Variants in CD163L1 observed in about 807,000 individuals in gnomAD.
CD163L1 encodes the protein CD163 molecule like 1, also known as scavenger receptor cysteine-rich type 1 protein M160.
A neutral mutation model predicts 165.4 loss-of-function variants in CD163L1; 124 were observed. That is an observed-to-expected ratio of 0.75 (90% CI 0.65 to 0.87). The LOEUF (loss-of-function observed/expected upper bound fraction) is 0.87. Among genes scored for constraint, CD163L1 ranks in the 40% least tolerant of loss-of-function variants. The pLI is 0.00. For missense variants in CD163L1, 1,525 were observed against 1,799.9 expected (o/e 0.85, Z 2.76); for synonymous variants, 585 against 662.2 (o/e 0.88, Z 1.79).
downstream of CD163L1, among the ~76,000 whole-genome samples, chr12:7,346,183 G>A (rs1428036534): frequency 6.6e-6 from 1 of 151,434 alleles, no homozygotes; most frequent in East Asian, 1.9e-4. Flanking sequence ...GTTTCCTTGG[G>A]GTGTGTATTA....
chr12:7,387,039 A>T (rs1388184607), intron 8 of CD163L1, among the ~76,000 whole-genome samples: 1 of 152,198 alleles, frequency 6.6e-6, no homozygotes, highest in Non-Finnish European at 1.5e-5. Flanking sequence ...CAAATTGTCC[A>T]TCTTTGCAGA....
chr12:7,398,244 T>C lies in CD163L1; in HGVS notation c.1729+20A>G. 6.3e-7 allele frequency: 1 copy of C among 1,594,312 alleles called. No homozygotes were observed. Among genetic ancestry groups the C allele is most frequent in the Non-Finnish European group, 8.6e-7 (1 of 1,168,534 alleles). Reference sequence around the variant, plus strand: ...TACTATTTCTCTTATCAGGAAATAATAAACAAGAACAAGTCTTACCTGAGC... The same window carrying C: ...TACTATTTCTCTTATCAGGAAATAACAAACAAGAACAAGTCTTACCTGAGC... On this transcript the variant is annotated intron_variant, in intron 7 of 19. Coordinates refer to ENST00000313599, the MANE Select transcript of CD163L1 (RefSeq NM_174941.6). The surrounding 1 kb of genome is among the most constrained non-coding windows in gnomAD (Gnocchi z 4.5).
intron 7 of CD163L1, among the ~76,000 whole-genome samples, chr12:7,397,985 A>G (rs1947814540): frequency 6.6e-6 from 1 of 152,192 alleles, no homozygotes; most frequent in African/African-American, 2.4e-5. Flanking sequence ...ATGTATCCAA[A>G]GGTGGCCTAC....
intron 2 of CD163L1, among the ~76,000 whole-genome samples, chr12:7,440,750 C>T (rs919009255): frequency 6.6e-6 from 1 of 151,872 alleles, no homozygotes; most frequent in Non-Finnish European, 1.5e-5. Flanking sequence ...CTTCAGCCCC[C>T]CAAGTAGCTG....
At position 7,419,228 on chromosome 12, in the gene CD163L1, G is replaced by A. The variant is rs774913773; in HGVS notation, c.767-12376C>T. On this transcript the variant is annotated intron_variant, in intron 4 of 19. Coordinates refer to ENST00000313599, the MANE Select transcript of CD163L1 (RefSeq NM_174941.6). ...TAAACAAACACAAGTCAATAAATGT[G>A]GTACACCACATAAACAGAATTAAAA... is the stretch of plus-strand genomic sequence containing the variant. Among the ~76,000 whole-genome samples the A allele has an allele frequency of 2.6e-5, 4 of 151,988 alleles. No homozygotes were observed. In the East Asian group the frequency reaches 5.8e-4, roughly 22 times the overall value.
intron 18 of CD163L1, among the ~76,000 whole-genome samples, chr12:7,359,301 C>T (rs190382061): frequency 4.6e-5 from 7 of 151,860 alleles, no homozygotes; most frequent in Admixed American, 1.3e-4. Context: ...CAAAAAACCC[C>T]GGAATTTAGG....
intron 4 of CD163L1, among the ~76,000 whole-genome samples, chr12:7,429,222 G>T (rs1045498197): frequency 6.6e-6 from 1 of 151,688 alleles, no homozygotes; most frequent in Non-Finnish European, 1.5e-5. Context: ...AATTCTTAGG[G>T]GCTATTATGA....
chr12:7,368,830 C>T lies in CD163L1; in HGVS notation c.4072+103G>A. 1 of 1,273,488 alleles carries T rather than the reference C, an allele frequency of 7.9e-7. No individual in the cohort carries two copies. Among genetic ancestry groups the T allele is most frequent in the Non-Finnish European group, 1.1e-6 (1 of 877,640 alleles). The allele number at this position is 1,273,488 out of a possible 1,614,324, so 78.9% of individuals were successfully genotyped here. ...TGCGACCCACAGACTCATATTTCTG[C>T]AGTCCCCAGTCTTCTTTGATTATCA... On this transcript the variant is annotated intron_variant, in intron 16 of 19. Transcript: ENST00000313599. The surrounding 1 kb of genome is among the most constrained non-coding windows in gnomAD (Gnocchi z 4.3).
chr12:7,436,228 T>C (rs1246012840), intron 2 of CD163L1, among the ~76,000 whole-genome samples: 1 of 152,200 alleles, frequency 6.6e-6, no homozygotes, highest in East Asian at 1.9e-4. Flanking sequence ...ATGATTTGTA[T>C]ATATGTTATA....
Position 7,396,314 on chromosome 12 carries a change from C to G in CD163L1, c.1831G>C (p.Gly611Arg). The G allele has an allele frequency of 6.2e-7, 1 of 1,614,142 alleles. No homozygotes were observed. Among genetic ancestry groups the G allele is most frequent in the African/African-American group, 1.3e-5 (1 of 75,044 alleles). ...ACAGCTGCAGCTTTACTGTTCCAGC[C>G]GTCATCACACACTGTGCCCCACCGT... ...QGRWGTVCDDGWNSKAAAVVC... is the reference protein window; with the variant it reads ...QGRWGTVCDDRWNSKAAAVVC... The change falls in exon 8 of 20, where the codon GGC becomes CGC. Residue 611 changes from glycine to arginine, a missense_variant. Gly to Arg is a moderately radical substitution (Grantham distance 125). Transcript: ENST00000313599.
the CD163L1 span, chr12:7,324,561 C>G: frequency 6.2e-7 from 1 of 1,613,892 alleles, no homozygotes; most frequent in Non-Finnish European, 8.5e-7. Flanking sequence ...GTTGTTGAAT[C>G]GGCTGTTGTC....
intron 2 of CD163L1, among the ~76,000 whole-genome samples, chr12:7,437,178 CTTTTAT>C (rs1565820061): frequency 2.6e-4 from 1 of 3,814 alleles, no homozygotes; most frequent in Non-Finnish European, 5.9e-4. Context: ...AATAGTATTA[CTTTTAT>C]TTTTATTTTA....
the CD163L1 span, among the ~76,000 whole-genome samples, chr12:7,330,401 A>G: frequency 6.6e-6 from 1 of 152,220 alleles, no homozygotes; most frequent in Non-Finnish European, 1.5e-5. Context: ...TTTACTTCAC[A>G]GACTTTGTTG....
chr12:7,438,911 T>A, intron 2 of CD163L1: 1 of 1,602,200 alleles, frequency 6.2e-7, no homozygotes, highest in East Asian at 2.2e-5. Context: ...ATTCCTCTGC[T>A]TTTTAGGCAC....
At chr12:7,326,189 G>A in the CD163L1 span, among the ~76,000 whole-genome samples, 1 of 152,068 alleles carries the variant, frequency 6.6e-6, no homozygotes, top group Non-Finnish European at 1.5e-5. Context: ...TTCCTGAGAG[G>A]TTTTTGGCTT....
chr12:7,407,517 T>C (rs946785670), intron 4 of CD163L1, among the ~76,000 whole-genome samples: 1 of 151,888 alleles, frequency 6.6e-6, no homozygotes, highest in African/African-American at 2.4e-5. Flanking sequence ...CAGCCTTTCC[T>C]TATTTCCTTA....
At chr12:7,376,065 C>G (rs778682015) in intron 9 of CD163L1, 51 bp from the exon 10 acceptor site, 5 of 1,517,756 alleles carry the variant, frequency 3.3e-6, no homozygotes, top group Non-Finnish European at 4.4e-6. Context: ...CAATATCTAT[C>G]CCTGTCTCCA....
At chr12:7,375,624 C>T (rs1947251743) in intron 10 of CD163L1, 29 bp from the exon 11 acceptor site, 1 of 1,610,538 alleles carries the variant, frequency 6.2e-7, no homozygotes, top group Non-Finnish European at 8.5e-7. Context: ...ATAGAAGAGA[C>T]ATCATGACTT....
At chr12:7,420,999 A>C (rs1256028139) in intron 4 of CD163L1, among the ~76,000 whole-genome samples, 1 of 123,524 alleles carries the variant, frequency 8.1e-6, no homozygotes, top group African/African-American at 3.5e-5. Context: ...ATATATACAT[A>C]TATATATATA....
Sources: gnomAD v4.1 joint callset for allele counts (sites outside exome capture counted in the v4.1 genomes callset) on GRCh38, gnomAD v4.1.1 for gene constraint, Gnocchi (gnomAD v3.1) non-coding constraint, MANE v1.5 for transcripts, NCBI Gene and HGNC (gene_info 2026-07-23, HGNC 2026-07-21) for gene names.